Variants in GOLGB1 observed in about 807,000 individuals in gnomAD.
GOLGB1 encodes the protein golgin subfamily B member 1.
A neutral mutation model predicts 336.9 loss-of-function variants in GOLGB1; 174 were observed. The ratio of observed to expected loss-of-function variants is 0.52; its 90% CI spans 0.46 to 0.59. The LOEUF (loss-of-function observed/expected upper bound fraction) is 0.59. Among genes scored for constraint, GOLGB1 ranks in the 20% least tolerant of loss-of-function variants. The pLI is 0.00. For synonymous variants in GOLGB1, 1,208 were observed against 1,289.2 expected (o/e 0.94, Z 1.35); for missense variants, 3,331 against 3,645.3 (o/e 0.91, Z 2.22).
At chr3:121,747,351 G>GTATATACGTA (rs1161608172) in intron 1 of GOLGB1, among the ~76,000 whole-genome samples, 3 of 135,404 alleles carry the variant, frequency 2.2e-5, no homozygotes, top group African/African-American at 8.9e-5. Context: ...ATATATATGT[G>GTATATACGTA]TATATACGTA....
Position 121,688,179 on chromosome 3 carries a change from T to TCTCTCTCCCCATGGTCTCCCTCTCC in GOLGB1, c.8694+2466_8694+2490dup, listed in dbSNP as rs1941960833. 2.6e-5 allele frequency among the ~76,000 whole-genome samples: 4 copies of TCTCTCTCCCCATGGTCTCCCTCTCC among 152,202 alleles called. No individual in the cohort carries two copies. The South Asian group carries it at 8.3e-4, about 32-fold the overall frequency. On this transcript the variant is annotated intron_variant, in intron 14 of 21. Coordinates refer to ENST00000614479, the MANE Select transcript of GOLGB1 (RefSeq NM_001366282.2). ...TTCGCTCTCCCTCTCCCTCTCCCTCTCTCTCTCCCCATGGTCTCCCTCTCC... is the reference window on the plus strand; with the variant it reads ...TTCGCTCTCCCTCTCCCTCTCCCTCTCTCTCTCCCCATGGTCTCCCTCTCCCTCTCTCCCCATGGTCTCCCTCTCC...
Position 121,664,002 on chromosome 3 carries a change from G to C in GOLGB1, c.*478C>G. 6.0e-6 allele frequency: 1 copy of C among 166,782 alleles called. No individual in the cohort carries two copies. The highest frequency in any genetic ancestry group is 1.3e-5 in the Non-Finnish European group (1 of 75,538). 10.3% of individuals were successfully genotyped at this position (166,782 alleles called of 1,614,324 possible). A position where few individuals can be genotyped will look rare whatever the true frequency, so the allele number is the denominator to read the frequency against. On this transcript the variant is annotated 3_prime_UTR_variant, in exon 22 of 22. Transcript: ENST00000614479. ...AATCAGATGTCCTATGAGGTGACAT[G>C]TTCATTTCCCTGAACTCTGTTTATG...
Position 121,664,576 on chromosome 3 carries a change from T to C in GOLGB1, c.9699A>G (p.Ser3233=). 1 of 1,613,440 alleles carries C rather than the reference T, an allele frequency of 6.2e-7. No homozygotes were observed. The highest frequency in any genetic ancestry group is 1.1e-5 in the South Asian group (1 of 91,050). The part of the protein sequence containing the change: ...SGVGWKRVLR[S]LCHSRTRVPL... Reference sequence around the variant, plus strand: ...GCACTCGGGTCCGTGAATGACAGAGTGAACGCAGGACTCGCTTCCATCCAA... The same window carrying C: ...GCACTCGGGTCCGTGAATGACAGAGCGAACGCAGGACTCGCTTCCATCCAA... The change falls in exon 22 of 22, where the codon TCA becomes TCG. Residue 3233 remains serine, a synonymous_variant. Transcript: ENST00000614479.
intron 14 of GOLGB1, among the ~76,000 whole-genome samples, chr3:121,689,260 G>T (rs1942172363): frequency 2.0e-5 from 3 of 152,260 alleles, no homozygotes; most frequent in African/African-American, 7.2e-5. Flanking sequence ...CCATGTCTGT[G>T]TAGAAAGAAG....
chr3:121,695,996 C>T lies in GOLGB1; in HGVS notation c.4527G>A (p.Glu1509=). The T allele has an allele frequency of 4.3e-6, 7 of 1,614,088 alleles. No individual in the cohort carries two copies. The highest frequency in any genetic ancestry group is 5.9e-6 in the Non-Finnish European group (7 of 1,179,992). ...TGGTACCTCTGGCCAAAGACAATTC[C>T]TCTTGGAGACTTTTGTTTTCTTTTA... The part of the protein sequence containing the change: ...EALKENKSLQ[E]ELSLARGTIE... The change falls in exon 13 of 22, where the codon GAG becomes GAA. Residue 1509 remains glutamate, a synonymous_variant. Coordinates refer to ENST00000614479, the MANE Select transcript of GOLGB1 (RefSeq NM_001366282.2).
rs370580038 is a variant in GOLGB1 at position 121,690,938 on chromosome 3, T to G, written c.8426A>C (p.Glu2809Ala). Reference sequence around the variant, plus strand: ...GGATAGGAGCTGTTGGTTAAGTTTCTCAAGGTGAGACAAGCTATTCTCCTC... The same window carrying G: ...GGATAGGAGCTGTTGGTTAAGTTTCGCAAGGTGAGACAAGCTATTCTCCTC... ...STEENSLSHL[E>A]KLNQQLLSKD... Residue 2809 changes from glutamate (E) to alanine (A), a missense_variant, in exon 14 of 22, where the codon GAG (glutamate) becomes GCG (alanine). Glu to Ala is a moderately radical substitution (Grantham distance 107). Coordinates refer to ENST00000614479, the MANE Select transcript of GOLGB1 (RefSeq NM_001366282.2). 10 of 1,614,104 alleles carry G rather than the reference T, an allele frequency of 6.2e-6. No individual in the cohort carries two copies. Among genetic ancestry groups the G allele is most frequent in the Non-Finnish European group, 7.6e-6 (9 of 1,180,028 alleles).
chr3:121,748,406 G>T (rs1307356894), intron 1 of GOLGB1, among the ~76,000 whole-genome samples: 1 of 152,154 alleles, frequency 6.6e-6, no homozygotes, highest in African/African-American at 2.4e-5. Flanking sequence ...CAATTAAAAG[G>T]TTTGGAAGCT....
At position 121,698,795 on chromosome 3, in the gene GOLGB1, C is replaced by T; in HGVS notation, c.1728G>A (p.Glu576=). The part of the protein sequence containing the change: ...VLLLEMKEAQ[E]EIAFLKLQLQ... Reference sequence around the variant, plus strand: ...GCTGTAATTTAAGAAATGCAATTTCCTCTTGAGCTTCTTTCATTTCCAACA... The same window carrying T: ...GCTGTAATTTAAGAAATGCAATTTCTTCTTGAGCTTCTTTCATTTCCAACA... The change falls in exon 13 of 22, where the codon GAG becomes GAA. Residue 576 remains glutamate, a synonymous_variant. Coordinates refer to ENST00000614479, the MANE Select transcript of GOLGB1 (RefSeq NM_001366282.2). 6.2e-7 allele frequency: 1 copy of T among 1,613,642 alleles called. No homozygotes were observed. The highest frequency in any genetic ancestry group is 2.2e-5 in the East Asian group (1 of 44,876).
intron 5 of GOLGB1, among the ~76,000 whole-genome samples, chr3:121,725,278 G>A (rs1473591290): frequency 1.3e-5 from 2 of 152,200 alleles, no homozygotes; most frequent in African/African-American, 4.8e-5. Flanking sequence ...ACTAAGCCCA[G>A]CAAAGCCATA....
In GOLGB1 at chr3:121,729,915, T is replaced by TA; in HGVS notation, c.198dup (p.Ile67TyrfsTer3). 1 of 1,611,800 alleles carries TA rather than the reference T, an allele frequency of 6.2e-7. No homozygotes were observed. Among genetic ancestry groups the TA allele is most frequent in the Non-Finnish European group, 8.5e-7 (1 of 1,177,914 alleles). ...AGTTGAACATCCTTCTGTCTAATAA[T>TA]ATCTTTTAGCTCCACCACCAATTGC... On this transcript the variant is annotated frameshift_variant, in exon 3 of 22. Coordinates refer to ENST00000614479, the MANE Select transcript of GOLGB1 (RefSeq NM_001366282.2). LOFTEE classifies it high-confidence loss of function.
In GOLGB1 at chr3:121,691,198, C is replaced by T; in HGVS notation, c.8166G>A (p.Gln2722=). 1 of 1,613,654 alleles carries T rather than the reference C, an allele frequency of 6.2e-7. No individual in the cohort carries two copies. Among genetic ancestry groups the T allele is most frequent in the Non-Finnish European group, 8.5e-7 (1 of 1,179,922 alleles). ...ELARDLVEME[Q]KLLMVTKENK... ...TTTCTTTGGTGACCATGAGTAATTT[C>T]TGTTCCATCTCCACCAAATCTCTTG... Residue 2722 remains glutamine, a synonymous_variant, in exon 14 of 22, where the codon CAG becomes CAA. Coordinates refer to ENST00000614479, the MANE Select transcript of GOLGB1 (RefSeq NM_001366282.2).
At position 121,694,072 on chromosome 3, in the gene GOLGB1, C is replaced by A; in HGVS notation, c.6451G>T (p.Asp2151Tyr). ...KEKKNMQEKL[D>Y]ALRREKVHLE... ...TGGACTTTTTCTCTGCGCAAAGCATCCAGTTTCTCTTGCATATTCTTCTTC... is the reference window on the plus strand; with the variant it reads ...TGGACTTTTTCTCTGCGCAAAGCATACAGTTTCTCTTGCATATTCTTCTTC... Residue 2151 changes from aspartate to tyrosine, a missense_variant, in exon 13 of 22, where the codon GAT becomes TAT. Transcript: ENST00000614479. The A allele has an allele frequency of 1.5e-5, 24 of 1,614,006 alleles. No individual in the cohort carries two copies. Among genetic ancestry groups the A allele is most frequent in the Non-Finnish European group, 2.0e-5 (24 of 1,179,914 alleles).
At position 121,691,212 on chromosome 3, in the gene GOLGB1, C is replaced by T; in HGVS notation, c.8152G>A (p.Val2718Met). 1 of 1,614,004 alleles carries T rather than the reference C, an allele frequency of 6.2e-7. No individual in the cohort carries two copies. Among genetic ancestry groups the T allele is most frequent in the South Asian group, 1.1e-5 (1 of 91,058 alleles). Reference protein sequence around the residue: ...ERVAELARDLVEMEQKLLMVT... With the variant: ...ERVAELARDLMEMEQKLLMVT... ...ATGAGTAATTTCTGTTCCATCTCCA[C>T]CAAATCTCTTGCTAGCTCTGCCACT... The change falls in exon 14 of 22, where the codon GTG becomes ATG. Residue 2718 changes from valine (V) to methionine (M), a missense_variant. Physicochemically the swap from Val to Met is conservative, Grantham distance 21. Coordinates refer to ENST00000614479, the MANE Select transcript of GOLGB1 (RefSeq NM_001366282.2).
At position 121,694,822 on chromosome 3, in the gene GOLGB1, G is replaced by A. The variant is rs375644055; in HGVS notation, c.5701C>T (p.Leu1901=). The A allele has an allele frequency of 1.2e-6, 2 of 1,613,650 alleles. No homozygotes were observed. The highest frequency in any genetic ancestry group is 1.7e-6 in the Non-Finnish European group (2 of 1,179,882). The stretch of plus-strand genomic sequence containing the variant: ...TCTTCTTGGATTTGCTGATTTAACA[G>A]GTTCATTTTGGTTACTTCCTCCTGA... ...MLQEEVTKMN[L]LNQQIQEELS... is the part of the protein sequence containing the mutation. Residue 1901 remains leucine (L), a synonymous_variant, in exon 13 of 22, where the codon CTG becomes TTG. Transcript: ENST00000614479.
intron 9 of GOLGB1, among the ~76,000 whole-genome samples, chr3:121,715,272 C>T (rs1168118987): frequency 6.7e-6 from 1 of 149,018 alleles, no homozygotes; most frequent in Non-Finnish European, 1.5e-5. Context: ...GGTGCGATCT[C>T]GGCTCACTGT....
In GOLGB1 at chr3:121,695,313, T is replaced by C; in HGVS notation, c.5210A>G (p.Lys1737Arg). The stretch of plus-strand genomic sequence containing the variant: ...CTTAGAAAGGGTTTCATACTCCATT[T>C]TGACCCTTTCAAGTTCTTCCTTCAT... Reference protein sequence around the residue: ...ASMKEELERVKMEYETLSKKF... With the variant: ...ASMKEELERVRMEYETLSKKF... Residue 1737 changes from lysine to arginine, a missense_variant, in exon 13 of 22, where the codon AAA becomes AGA. Transcript: ENST00000614479. 1 of 1,614,086 alleles carries C rather than the reference T, an allele frequency of 6.2e-7. No homozygotes were observed.
chr3:121,697,547 TTC>T lies in GOLGB1; in HGVS notation c.2974_2975del (p.Glu992LysfsTer2), dbSNP rs1943051031. ...GGAGCTTTCTCTTTCTCTGCTCATT[TTC>T]TTTCTTCAGAAGGTCAAATTCATGC... ...LQHEFDLLKK[E>X]NEQRKRKLQA... On this transcript the variant is annotated frameshift_variant, in exon 13 of 22. Transcript: ENST00000614479. LOFTEE classifies it high-confidence loss of function. 1.9e-6 allele frequency: 3 copies of T among 1,613,818 alleles called. No individual in the cohort carries two copies. Among genetic ancestry groups the T allele is most frequent in the Non-Finnish European group, 2.5e-6 (3 of 1,179,952 alleles).
chr3:121,667,996 C>T (rs1356441338), intron 19 of GOLGB1, 65 bp downstream of exon 19: 1 of 793,880 alleles, frequency 1.3e-6, no homozygotes, highest in African/African-American at 1.8e-5. Flanking sequence ...CCAGTTAAAT[C>T]TAGATTACTG....
chr3:121,702,544 C>G lies in GOLGB1; in HGVS notation c.1456G>C (p.Glu486Gln), dbSNP rs374239354. 9 of 1,552,066 alleles carry G rather than the reference C, an allele frequency of 5.8e-6. No homozygotes were observed. In the African/African-American group the frequency reaches 1.3e-4, roughly 22 times the overall value. Reference protein sequence around the residue: ...ASLQKRVVELENEKGALLLSS... With the variant: ...ASLQKRVVELQNEKGALLLSS... ...AGGAGCAAGGCTCCCTTTTCATTCT[C>G]TAGTTCTACCACTCTCTTCTGCAAA... The change falls in exon 11 of 22, where the codon GAG (glutamate) becomes CAG (glutamine). Residue 486 changes from glutamate (E) to glutamine (Q), a missense_variant. Transcript: ENST00000614479.
Sources: gnomAD v4.1 joint callset for allele counts (sites outside exome capture counted in the v4.1 genomes callset) on GRCh38, gnomAD v4.1.1 for gene constraint, MANE v1.5 for transcripts, NCBI Gene and HGNC (gene_info 2026-07-23, HGNC 2026-07-21) for gene names.